ZC4H2: variants seen among roughly 807,000 people sequenced by gnomAD.
The protein encoded by ZC4H2 is zinc finger C4H2-type containing.
For missense variants in ZC4H2, 137 were observed against 173.9 expected (o/e 0.79, Z 1.19); for synonymous variants, 84 against 66.3 (o/e 1.27, Z -1.30).
rs1222098013 is a variant in ZC4H2, at chrX:64,993,510, GC to G, written c.-272+41118del. Among the ~76,000 whole-genome samples the G allele has an allele frequency of 8.1e-5, 9 of 111,316 alleles. No individual in the cohort carries two copies. The South Asian group carries it at 1.2e-3, about 14-fold the overall frequency. On this transcript the variant is annotated intron_variant, in intron 1 of 4. Coordinates refer to the ZC4H2 transcript ENST00000337990. ...AAGAGGCCAGAGAGAGGTTCATTCC[GC>G]CTCTGCCATGTAAAGTTACAGTGAG... is the stretch of plus-strand genomic sequence containing the variant.
At chrX:65,021,154 T>A (rs181314960) in intron 1 of ZC4H2, among the ~76,000 whole-genome samples, 1 of 110,808 alleles carries the variant, frequency 9.0e-6, no homozygotes, top group Non-Finnish European at 1.9e-5. Context: ...AGGATTGAAC[T>A]CAGCTCTGGA....
upstream of ZC4H2, among the ~76,000 whole-genome samples, chrX:64,979,311 G>C (rs1238327267): frequency 8.9e-6 from 1 of 112,543 alleles, no homozygotes; most frequent in Non-Finnish European, 1.9e-5. Context: ...GGTGTCTGCA[G>C]AGGGCCAAGC....
chrX:64,950,685 T>C (rs1930766202), intron 1 of ZC4H2, among the ~76,000 whole-genome samples: 1 of 111,221 alleles, frequency 9.0e-6, no homozygotes, highest in Non-Finnish European at 1.9e-5. Context: ...ACCTTTTTTG[T>C]TTTCCATTTG....
At chrX:65,024,254 A>G (rs1932859656) in intron 1 of ZC4H2, among the ~76,000 whole-genome samples, 1 of 110,823 alleles carries the variant, frequency 9.0e-6, no homozygotes, top group South Asian at 3.8e-4. Flanking sequence ...AACTTAAAGT[A>G]TAATAAAAAA....
Position 64,965,248 on chromosome X carries a change from T to C in ZC4H2, c.53+11077A>G, listed in dbSNP as rs144599319. On this transcript the variant is annotated intron_variant, in intron 1 of 4. Coordinates refer to ENST00000374839, the MANE Select transcript of ZC4H2 (RefSeq NM_018684.4). ...TTATTTCTGAGGAAGAATAATGAAGTTGGAGAACCTACATGACCTGGTTTC... is the reference window on the plus strand; with the variant it reads ...TTATTTCTGAGGAAGAATAATGAAGCTGGAGAACCTACATGACCTGGTTTC... Among the ~76,000 whole-genome samples the C allele has an allele frequency of 5.6e-3, 626 of 111,896 alleles. 3 individuals carry two copies. Among genetic ancestry groups the C allele is most frequent in the Admixed American group, 8.5e-3 (89 of 10,524 alleles).
At chrX:64,968,728 G>A (rs778748408) in intron 1 of ZC4H2, among the ~76,000 whole-genome samples, 1 of 111,880 alleles carries the variant, frequency 8.9e-6, no homozygotes, top group Non-Finnish European at 1.9e-5. Context: ...ACAGTCACCA[G>A]GATGACAGTC....
At chrX:64,999,048 T>G (rs1015756954) in intron 1 of ZC4H2, among the ~76,000 whole-genome samples, 1 of 95,322 alleles carries the variant, frequency 1.0e-5, no homozygotes, top group African/African-American at 3.8e-5. Context: ...TGTTTTTTTT[T>G]TTTTTTTTTT....
chrX:65,013,974 C>T (rs1317481778), intron 1 of ZC4H2, among the ~76,000 whole-genome samples: 1 of 110,777 alleles, frequency 9.0e-6, no homozygotes, highest in African/African-American at 3.3e-5. Context: ...CTTCTCACAG[C>T]TGTCTGCTTG....
At chrX:65,004,350 G>A (rs370852466) in intron 1 of ZC4H2, among the ~76,000 whole-genome samples, 1 of 111,722 alleles carries the variant, frequency 9.0e-6, no homozygotes, top group Admixed American at 9.5e-5. Context: ...CTGAAAAACC[G>A]AATCCAGAAG....
chrX:64,990,905 TG>T (rs972708481), intron 1 of ZC4H2, among the ~76,000 whole-genome samples: 4 of 112,258 alleles, frequency 3.6e-5, no homozygotes, highest in African/African-American at 1.3e-4. Flanking sequence ...TCAACATTTT[TG>T]AGGCTGTCTG....
chrX:65,009,504 A>G (rs1181008387), intron 1 of ZC4H2, among the ~76,000 whole-genome samples: 1 of 112,176 alleles, frequency 8.9e-6, no homozygotes, highest in African/African-American at 3.2e-5. Flanking sequence ...TGTGCCAACT[A>G]TCTTTTCAAG....
chrX:64,994,211 T>C (rs986937870), intron 1 of ZC4H2, among the ~76,000 whole-genome samples: 17 of 111,721 alleles, frequency 1.5e-4, no homozygotes, highest in African/African-American at 5.5e-4. Flanking sequence ...ATTAGTATGA[T>C]TCTCACAACA....
chrX:64,934,919 C>A (rs1929924562), intron 1 of ZC4H2, among the ~76,000 whole-genome samples: 1 of 110,400 alleles, frequency 9.1e-6, no homozygotes, highest in South Asian at 3.8e-4. Context: ...TGGGCAGACG[C>A]TGAACTAGCT....
intron 1 of ZC4H2, among the ~76,000 whole-genome samples, chrX:64,961,564 T>G (rs1931391175): frequency 9.0e-6 from 1 of 111,286 alleles, no homozygotes; most frequent in Non-Finnish European, 1.9e-5. Context: ...TTGGTCAGTT[T>G]TGAAGGAAAT....
chrX:64,920,357 T>C, intron 2 of ZC4H2, 104 bp from the exon 3 acceptor site: 1 of 874,769 alleles, frequency 1.1e-6, no homozygotes, highest in Non-Finnish European at 1.6e-6. Flanking sequence ...TTGTTCAGTC[T>C]ATATTCAAGT....
At chrX:64,987,983 T>C (rs927836924) in intron 1 of ZC4H2, among the ~76,000 whole-genome samples, 9 of 101,844 alleles carry the variant, frequency 8.8e-5, no homozygotes, top group Admixed American at 5.5e-4. Context: ...GAACATGCAG[T>C]GTTTGGTTTT....
At chrX:64,991,285 T>C (rs1932303056) in intron 1 of ZC4H2, among the ~76,000 whole-genome samples, 1 of 112,093 alleles carries the variant, frequency 8.9e-6, no homozygotes, top group African/African-American at 3.2e-5. Flanking sequence ...TATTTAGGCA[T>C]TGTGGTGTTA....
At chrX:64,971,820 T>C (rs1344619396) in intron 1 of ZC4H2, among the ~76,000 whole-genome samples, 2 of 112,006 alleles carry the variant, frequency 1.8e-5, no homozygotes, top group African/African-American at 3.2e-5. Context: ...GAGTACCTAC[T>C]TAACTCAACA....
At chrX:65,027,064 C>T (rs942263971) in intron 1 of ZC4H2, among the ~76,000 whole-genome samples, 3 of 111,868 alleles carry the variant, frequency 2.7e-5, no homozygotes, top group Admixed American at 1.9e-4. Flanking sequence ...CTGTGGCCAA[C>T]GGGTCACATA....
Sources: allele counts gnomAD v4.1 joint callset (sites outside exome capture counted in the v4.1 genomes callset), GRCh38; gene constraint gnomAD v4.1.1; transcripts MANE v1.5; gene names NCBI Gene and HGNC (gene_info 2026-07-23, HGNC 2026-07-21).